The following RSPO2 variants were observed in gnomAD, a reference collection of about 807,000 sequenced individuals.
RSPO2 encodes the protein R-spondin-2.
A neutral mutation model predicts 30.9 loss-of-function variants in RSPO2; 14 were observed. The observed-to-expected ratio is 0.45, with a 90% CI of 0.30 to 0.71. The LOEUF (loss-of-function observed/expected upper bound fraction) is 0.71. Ranked by LOEUF, RSPO2 falls within the 30% of genes least tolerant of loss-of-function variation. The probability of loss-of-function intolerance (pLI) is 0.08; values close to 1 mark genes in which losing one functional copy is unlikely to be tolerated. For missense variants in RSPO2, 264 were observed against 301.9 expected, an observed-to-expected ratio of 0.87 and a Z score of 0.93; for synonymous variants, 107 against 96.4, an observed-to-expected ratio of 1.11 and a Z score of -0.64.
At chr8:107,923,589 A>C (rs909308049) in intron 5 of RSPO2, among the ~76,000 whole-genome samples, 2 of 152,170 alleles carry the variant, frequency 1.3e-5, no homozygotes, top group African/African-American at 4.8e-5. Flanking sequence ...AAAGAATATA[A>C]GTTGTTTCAT....
intron 5 of RSPO2, among the ~76,000 whole-genome samples, chr8:107,907,354 G>A (rs1811681153): frequency 6.6e-6 from 1 of 151,886 alleles, no homozygotes; most frequent in African/African-American, 2.4e-5. Flanking sequence ...TGTTTTGAAA[G>A]GACTGGCAAC....
rs1554575794 is a variant in RSPO2, at chr8:107,951,043, G to GTTTGTTT, written c.616+7036_616+7037insAAACAAA. 4.3e-4 allele frequency among the ~76,000 whole-genome samples: 37 copies of GTTTGTTT among 85,896 alleles called. No individual in the cohort carries two copies. In the East Asian group the frequency reaches 0.012, roughly 28 times the overall value. The allele number at this position is 85,896 out of a possible 152,430, so 56.4% of individuals were successfully genotyped here. On this transcript the variant is annotated intron_variant, in intron 5 of 5. Coordinates refer to ENST00000276659, the MANE Select transcript of RSPO2 (RefSeq NM_178565.5). ...TGTGATGAGGCGATAGGGAGAATAA[G>GTTTGTTT]TTTTTTTTTGTTGTTGTTGTTGTTG...
At chr8:108,013,077 A>T (rs1269238762) in intron 2 of RSPO2, among the ~76,000 whole-genome samples, 1 of 152,182 alleles carries the variant, frequency 6.6e-6, no homozygotes, top group Non-Finnish European at 1.5e-5. Context: ...AACCCAAAAC[A>T]TCCTAGTTCC....
intron 2 of RSPO2, among the ~76,000 whole-genome samples, chr8:108,024,106 AAAAGAAATAAAAGAGGGTACTTAC>A (rs1563568274): frequency 6.8e-6 from 1 of 146,942 alleles, no homozygotes. Context: ...AAAGGTATTC[AAAAGAAATAAAAGAGGGTACTTAC>A]AAAGAAATAA....
intron 2 of RSPO2, among the ~76,000 whole-genome samples, chr8:108,049,383 G>T: frequency 1.3e-5 from 2 of 151,214 alleles, no homozygotes; most frequent in African/African-American, 4.9e-5. Context: ...AAGAATACAT[G>T]CATCTTTTTT....
intron 2 of RSPO2, among the ~76,000 whole-genome samples, chr8:108,050,235 C>A (rs1163273711): frequency 2.6e-5 from 4 of 152,118 alleles, no homozygotes; most frequent in African/African-American, 9.7e-5. Flanking sequence ...TTTCCACAGT[C>A]CTAGAAAAAG....
At chr8:107,955,930 T>C (rs571892693) in intron 5 of RSPO2, among the ~76,000 whole-genome samples, 58 of 152,304 alleles carry the variant, frequency 3.8e-4, no homozygotes, top group African/African-American at 1.2e-3. Context: ...TTTTGCATGG[T>C]TTGTCAAAGC....
At chr8:107,978,129 C>T (rs1814280073) in intron 3 of RSPO2, among the ~76,000 whole-genome samples, 1 of 152,084 alleles carries the variant, frequency 6.6e-6, no homozygotes, top group African/African-American at 2.4e-5. Context: ...TTATACAATT[C>T]TTAAAAGCAG....
chr8:108,058,414 C>A lies in RSPO2; in HGVS notation c.94+24131G>T, dbSNP rs189928328. Among the ~76,000 whole-genome samples, 381 of 152,236 alleles carry A rather than the reference C, an allele frequency of 2.5e-3. 3 individuals are homozygous for A. The highest frequency in any genetic ancestry group is 8.7e-3 in the African/African-American group (363 of 41,534). On this transcript the variant is annotated intron_variant, in intron 2 of 5. Transcript: ENST00000276659. Reference sequence around the variant, plus strand: ...GGAAGAATCAATATCATGAAAATGGCCATACTGCCCAAGGTAATTTATAGA... The same window carrying A: ...GGAAGAATCAATATCATGAAAATGGACATACTGCCCAAGGTAATTTATAGA...
At position 107,919,611 on chromosome 8, in the gene RSPO2, C is replaced by T. The variant is rs186858901; in HGVS notation, c.617-18421G>A. The stretch of plus-strand genomic sequence containing the variant: ...ACTTGACGGATTAGCTGGCACCAGC[C>T]AGTTTGATAAACTGGCTCATCTGAC... On this transcript the variant is annotated intron_variant, in intron 5 of 5. Coordinates refer to ENST00000276659, the MANE Select transcript of RSPO2 (RefSeq NM_178565.5). 8.7e-4 allele frequency among the ~76,000 whole-genome samples: 133 copies of T among 152,220 alleles called. 1 individual carries two copies. The highest frequency in any genetic ancestry group is 3.4e-3 in the Middle Eastern group (1 of 294).
intron 2 of RSPO2, among the ~76,000 whole-genome samples, chr8:108,038,307 T>C (rs1353804016): frequency 6.6e-6 from 1 of 152,138 alleles, no homozygotes; most frequent in Non-Finnish European, 1.5e-5. Flanking sequence ...TGTGACTGAA[T>C]TGCTACAATT....
intron 2 of RSPO2, among the ~76,000 whole-genome samples, chr8:108,056,623 C>CAAAAAAAAAAAAAAAAA (rs56256415): frequency 1.8e-4 from 13 of 71,802 alleles, no homozygotes; most frequent in Admixed American, 3.6e-4. Context: ...AGACCCGTCT[C>CAAAAAAAAAAAAAAAAA]AAAAAAAAAA....
intron 2 of RSPO2, among the ~76,000 whole-genome samples, chr8:108,040,467 G>A (rs1329433315): frequency 6.6e-6 from 1 of 152,096 alleles, no homozygotes; most frequent in Non-Finnish European, 1.5e-5. Context: ...GCAGGCTTCG[G>A]AATAGTAAGT....
intron 5 of RSPO2, among the ~76,000 whole-genome samples, chr8:107,902,346 G>T (rs1811504185): frequency 6.6e-6 from 1 of 152,064 alleles, no homozygotes; most frequent in Admixed American, 6.5e-5. Flanking sequence ...TTCCTGTAAG[G>T]TGTAGCTATT....
intron 2 of RSPO2, among the ~76,000 whole-genome samples, chr8:108,064,972 T>G (rs1271008588): frequency 6.6e-6 from 1 of 151,498 alleles, no homozygotes; most frequent in Middle Eastern, 3.2e-3. Context: ...ACTGAACAAT[T>G]AGAACACTTG....
intron 2 of RSPO2, among the ~76,000 whole-genome samples, chr8:108,022,804 A>C (rs1811095508): frequency 6.6e-6 from 1 of 151,982 alleles, no homozygotes; most frequent in Non-Finnish European, 1.5e-5. Flanking sequence ...GCATGCCTGT[A>C]ATCTCAGCTA....
At chr8:108,062,713 T>C (rs1210779566) in intron 2 of RSPO2, among the ~76,000 whole-genome samples, 2 of 151,814 alleles carry the variant, frequency 1.3e-5, no homozygotes, top group Admixed American at 1.3e-4. Context: ...TATCAAAGTC[T>C]GGCAGAGACA....
At chr8:108,053,030 A>AT (rs1812123306) in intron 2 of RSPO2, among the ~76,000 whole-genome samples, 1 of 152,094 alleles carries the variant, frequency 6.6e-6, no homozygotes, top group Non-Finnish European at 1.5e-5. Flanking sequence ...GTAGGGTATT[A>AT]TTTTACCAGT....
chr8:107,954,344 A>G (rs1319480687), intron 5 of RSPO2, among the ~76,000 whole-genome samples: 1 of 152,198 alleles, frequency 6.6e-6, no homozygotes, highest in Non-Finnish European at 1.5e-5. Context: ...CTTTTGTATT[A>G]AGATATTCCC....
Sources: gnomAD v4.1 joint callset for allele counts (sites outside exome capture counted in the v4.1 genomes callset) on GRCh38, gnomAD v4.1.1 for gene constraint, MANE v1.5 for transcripts, NCBI Gene and HGNC (gene_info 2026-07-23, HGNC 2026-07-21) for gene names.